The following HOOK1 variants were observed in gnomAD, a reference collection of about 807,000 sequenced individuals.
HOOK1 encodes the protein hook microtubule tethering protein 1.
In HOOK1, 60 loss-of-function variants were observed where a neutral mutation model predicts 112.8. The observed-to-expected ratio is 0.53, with a 90% CI of 0.43 to 0.66. HOOK1 has a LOEUF of 0.66. Among genes scored for constraint, HOOK1 ranks in the 30% least tolerant of loss-of-function variants. The probability of loss-of-function intolerance (pLI) is 0.00; values close to 1 mark genes in which losing one functional copy is unlikely to be tolerated. For missense variants in HOOK1, 770 were observed against 856.0 expected (o/e 0.90, Z 1.25); for synonymous variants, 294 against 283.8 (o/e 1.04, Z -0.36).
rs755554392 is a variant in HOOK1 at position 59,860,320 on chromosome 1, T to C, written c.1524T>C (p.Thr508=). The part of the protein sequence containing the change: ...QKHRKMNELE[T]EQRLSKERIR... ...ACCGTAAAATGAATGAACTGGAAAC[T>C]GAGCAGAGGTGATATGCTCCTTAGT... Residue 508 remains threonine, a synonymous_variant, in exon 15 of 22, where the codon ACT becomes ACC. Transcript: ENST00000371208. The C allele has an allele frequency of 1.3e-6, 2 of 1,595,792 alleles. No individual in the cohort carries two copies. Among genetic ancestry groups the C allele is most frequent in the South Asian group, 1.2e-5 (1 of 86,878 alleles).
chr1:59,840,770 G>A (rs1480150159), intron 8 of HOOK1, among the ~76,000 whole-genome samples: 3 of 151,982 alleles, frequency 2.0e-5, no homozygotes, highest in African/African-American at 7.2e-5. Context: ...TTCCCCCCCA[G>A]TAAATTCAAG....
chr1:59,826,571 A>G (rs1232606877), intron 2 of HOOK1, among the ~76,000 whole-genome samples: 2 of 152,222 alleles, frequency 1.3e-5, no homozygotes, highest in African/African-American at 2.4e-5. Flanking sequence ...TGGAAAAACT[A>G]GAGAAAAATA....
intron 20 of HOOK1, among the ~76,000 whole-genome samples, chr1:59,870,125 C>T (rs1303226091): frequency 6.6e-6 from 1 of 152,204 alleles, no homozygotes; most frequent in African/African-American, 2.4e-5. Context: ...TAATCGCTGA[C>T]ATCTAAGTTG....
intron 12 of HOOK1, among the ~76,000 whole-genome samples, chr1:59,850,782 G>A (rs370667957): frequency 6.6e-6 from 1 of 151,448 alleles, no homozygotes; most frequent in African/African-American, 2.4e-5. Flanking sequence ...CAGTGTATCA[G>A]CATTGGCTCA....
intron 1 of HOOK1, among the ~76,000 whole-genome samples, chr1:59,816,332 A>C (rs2098381512): frequency 6.6e-6 from 1 of 152,212 alleles, no homozygotes; most frequent in African/African-American, 2.4e-5. Context: ...TTTGTGAGTT[A>C]AAAGCAATTA....
intron 9 of HOOK1, 76 bp downstream of exon 9, chr1:59,843,674 C>T: frequency 9.0e-7 from 1 of 1,110,000 alleles, no homozygotes; most frequent in Non-Finnish European, 1.3e-6. Context: ...GTATTAACAG[C>T]TAATTACTAA....
At chr1:59,865,808 G>A (rs1405764261) in intron 18 of HOOK1, 64 bp from the exon 19 acceptor site, 1 of 605,336 alleles carries the variant, frequency 1.7e-6, no homozygotes, top group Non-Finnish European at 2.8e-6. Flanking sequence ...ATGTGAGGAT[G>A]AAGTATTTTA....
chr1:59,815,163 G>A lies in HOOK1; in HGVS notation c.46G>A (p.Asp16Asn). Residue 16 changes from aspartate (D) to asparagine (N), a missense_variant, in exon 1 of 22, where the codon GAC (aspartate) becomes AAC (asparagine). Physicochemically the swap from Asp to Asn is conservative, Grantham distance 23 (BLOSUM62 1). This residue lies in a region of HOOK1 where 655 missense variants were observed against 725.9 expected (regional missense o/e 0.90). Coordinates refer to ENST00000371208, the MANE Select transcript of HOOK1 (RefSeq NM_015888.6). ...PPPQPKLPLCDSLMIWLQTFN... is the reference protein window; with the variant it reads ...PPPQPKLPLCNSLMIWLQTFN... Reference sequence around the variant, plus strand: ...GCCGCAGCCTAAGCTGCCCCTGTGCGACAGCCTCATGATCTGGGTGAGTGC... The same window carrying A: ...GCCGCAGCCTAAGCTGCCCCTGTGCAACAGCCTCATGATCTGGGTGAGTGC... The A allele has an allele frequency of 6.5e-7, 1 of 1,544,048 alleles. No homozygotes were observed.
In HOOK1 at chr1:59,860,191, G is replaced by T. The variant is rs766907541; in HGVS notation, c.1395G>T (p.Glu465Asp). Residue 465 changes from glutamate (E) to aspartate (D), a missense_variant, in exon 15 of 22, where the codon GAG (glutamate) becomes GAT (aspartate). By Grantham distance (45) the Glu-to-Asp change is conservative (BLOSUM62 2). Transcript: ENST00000371208. The stretch of plus-strand genomic sequence containing the variant: ...AGATTTTGCTTTGTAACATCAGGGA[G>T]GTGTTTATTCGACTGCAACATGAAA... ...AAEIMPVEYR[E>D]VFIRLQHENK... 1.3e-5 allele frequency: 20 copies of T among 1,593,302 alleles called. No individual in the cohort carries two copies. The highest frequency in any genetic ancestry group is 1.5e-5 in the Non-Finnish European group (18 of 1,172,062).
At chr1:59,855,979 TA>T (rs1394495423) in intron 12 of HOOK1, among the ~76,000 whole-genome samples, 9 of 87,376 alleles carry the variant, frequency 1.0e-4, no homozygotes, top group African/African-American at 3.2e-4. Context: ...TATATATATA[TA>T]TATATTTTTT....
intron 5 of HOOK1, among the ~76,000 whole-genome samples, chr1:59,834,225 A>C (rs1486363861): frequency 6.6e-6 from 1 of 152,204 alleles, no homozygotes; most frequent in African/African-American, 2.4e-5. Flanking sequence ...CACCACCTTT[A>C]TGAAAGAATA....
At chr1:59,823,125 C>G (rs767962996) in intron 2 of HOOK1, among the ~76,000 whole-genome samples, 1 of 152,154 alleles carries the variant, frequency 6.6e-6, no homozygotes, top group Non-Finnish European at 1.5e-5. Context: ...TCGAGACCAT[C>G]CTGGCTAACA....
rs183969754 is a variant in HOOK1 at position 59,839,743 on chromosome 1, A to C, written c.538-565A>C. ...AATACTATGTTGAATAGGAGCGGTGAGAGAGGGCATCCTTGTCTTGTGCCA... is the reference window on the plus strand; with the variant it reads ...AATACTATGTTGAATAGGAGCGGTGCGAGAGGGCATCCTTGTCTTGTGCCA... On this transcript the variant is annotated intron_variant, in intron 7 of 21. Coordinates refer to ENST00000371208, the MANE Select transcript of HOOK1 (RefSeq NM_015888.6). Among the ~76,000 whole-genome samples the C allele has an allele frequency of 1.8e-3, 280 of 152,250 alleles. 1 individual carries two copies. The highest frequency in any genetic ancestry group is 6.4e-3 in the African/African-American group (264 of 41,540).
rs560021839 is a variant in HOOK1 at position 59,832,659 on chromosome 1, A to C, written c.273+446A>C. Among the ~76,000 whole-genome samples, 194 of 152,250 alleles carry C rather than the reference A, an allele frequency of 1.3e-3. 1 individual carries two copies. Among genetic ancestry groups the C allele is most frequent in the African/African-American group, 4.5e-3 (187 of 41,584 alleles). On this transcript the variant is annotated intron_variant, in intron 4 of 21. Transcript: ENST00000371208. ...ATTATAAAGTCACTTTAGATAGTAC[A>C]TTAGTCAAATAGTTTTGTTTTTTCT...
At chr1:59,839,744 G>C (rs1053038860) in intron 7 of HOOK1, among the ~76,000 whole-genome samples, 3 of 152,166 alleles carry the variant, frequency 2.0e-5, no homozygotes, top group African/African-American at 7.2e-5. Flanking sequence ...GGAGCGGTGA[G>C]AGAGGGCATC....
Position 59,876,134 on chromosome 1 carries a change from G to T in HOOK1, c.*3169G>T, listed in dbSNP as rs933518487. On this transcript the variant is annotated 3_prime_UTR_variant, in exon 22 of 22. Coordinates refer to ENST00000371208, the MANE Select transcript of HOOK1 (RefSeq NM_015888.6). ...TTGTGAAGAAGTAGTTTGGAAATTTGTAAAGCACAAACCATAAAAGAGTGT... is the reference window on the plus strand; with the variant it reads ...TTGTGAAGAAGTAGTTTGGAAATTTTTAAAGCACAAACCATAAAAGAGTGT... 5 of 152,602 alleles carry T rather than the reference G, an allele frequency of 3.3e-5. No individual in the cohort carries two copies. Among genetic ancestry groups the T allele is most frequent in the Non-Finnish European group, 7.4e-5 (5 of 68,022 alleles). The allele number at this position is 152,602 out of a possible 1,614,324, so 9.5% of individuals were successfully genotyped here. A position where few individuals can be genotyped will look rare whatever the true frequency, so the allele number is the denominator to read the frequency against.
intron 8 of HOOK1, among the ~76,000 whole-genome samples, chr1:59,842,305 G>A (rs190769561): frequency 8.7e-4 from 133 of 152,140 alleles, no homozygotes; most frequent in Admixed American, 6.4e-3. Context: ...TCTACTGTAA[G>A]GGTCTTGGGG....
At chr1:59,856,606 G>T (rs940168920) in intron 12 of HOOK1, among the ~76,000 whole-genome samples, 3 of 151,488 alleles carry the variant, frequency 2.0e-5, no homozygotes, top group Non-Finnish European at 4.4e-5. Context: ...AGGGTTTATT[G>T]TTGTTGCTGT....
intron 14 of HOOK1, among the ~76,000 whole-genome samples, 167 bp from the exon 15 acceptor site, chr1:59,860,021 C>G (rs1193076285): frequency 1.3e-5 from 2 of 151,966 alleles, no homozygotes; most frequent in Non-Finnish European, 2.9e-5. Flanking sequence ...CTTTCAGAAG[C>G]TTTTGTTGGA....
Sources: gnomAD v4.1 joint callset for allele counts (sites outside exome capture counted in the v4.1 genomes callset) on GRCh38, gnomAD v4.1.1 for gene constraint, gnomAD v4.1.1 regional missense constraint, MANE v1.5 for transcripts, NCBI Gene and HGNC (gene_info 2026-07-23, HGNC 2026-07-21) for gene names.